Variants in SLC39A11 observed in about 807,000 individuals in gnomAD.
The protein encoded by SLC39A11 is solute carrier family 39 member 11.
SLC39A11 carries 33 observed loss-of-function variants against 36.1 expected under a neutral mutation model. The observed-to-expected ratio is 0.91, with a 90% CI of 0.69 to 1.22. The LOEUF is 1.22. Among genes scored for constraint, SLC39A11 ranks in the 50% most tolerant of loss-of-function variants. SLC39A11 has a pLI of 0.00. For synonymous variants in SLC39A11, 166 were observed against 170.3 expected, an observed-to-expected ratio of 0.97 and a Z score of 0.20; for missense variants, 432 against 430.3, an observed-to-expected ratio of 1.00 and a Z score of -0.03.
At chr17:72,747,599 G>A (rs1051927576) in intron 6 of SLC39A11, among the ~76,000 whole-genome samples, 5 of 152,148 alleles carry the variant, frequency 3.3e-5, no homozygotes, top group African/African-American at 4.8e-5. Flanking sequence ...CAGGAGAGCC[G>A]ACTCACAGGC....
At chr17:72,996,241 C>G (rs896623990) in intron 4 of SLC39A11, among the ~76,000 whole-genome samples, 1 of 152,182 alleles carries the variant, frequency 6.6e-6, no homozygotes, top group African/African-American at 2.4e-5. Flanking sequence ...CGTCTCTTAC[C>G]GCAGCTGCAC....
chr17:73,018,846 G>A (rs1598876964), intron 4 of SLC39A11, among the ~76,000 whole-genome samples: 1 of 145,248 alleles, frequency 6.9e-6, no homozygotes, highest in African/African-American at 2.5e-5. Context: ...ATCACTGGGA[G>A]AAAAAAAAAA....
intron 5 of SLC39A11, among the ~76,000 whole-genome samples, chr17:72,939,683 C>T (rs749910623): frequency 3.3e-5 from 5 of 152,080 alleles, no homozygotes; most frequent in African/African-American, 1.2e-4. Context: ...AGCCAGGAAA[C>T]GCTGGGGGCC....
intron 5 of SLC39A11, among the ~76,000 whole-genome samples, chr17:72,883,146 G>A (rs1286431556): frequency 6.6e-6 from 1 of 152,154 alleles, no homozygotes; most frequent in Non-Finnish European, 1.5e-5. Flanking sequence ...ACGCAGTCCT[G>A]CATCCTTAAG....
chr17:73,005,198 G>A (rs552364729), intron 4 of SLC39A11, among the ~76,000 whole-genome samples: 3 of 152,152 alleles, frequency 2.0e-5, no homozygotes, highest in East Asian at 1.9e-4. Flanking sequence ...GGCTAGTCTC[G>A]AACTCCTGAC....
intron 5 of SLC39A11, among the ~76,000 whole-genome samples, chr17:72,860,470 T>C (rs1415252677): frequency 6.6e-6 from 1 of 152,222 alleles, no homozygotes; most frequent in Non-Finnish European, 1.5e-5. Context: ...GAGTCTGTCA[T>C]TTCCTCCAGT....
At chr17:72,706,627 AAAG>A (rs1360153556) in intron 7 of SLC39A11, among the ~76,000 whole-genome samples, 1 of 152,228 alleles carries the variant, frequency 6.6e-6, no homozygotes, top group Non-Finnish European at 1.5e-5. Flanking sequence ...TGCCTGTCAG[AAAG>A]AATTTAATAC....
intron 7 of SLC39A11, among the ~76,000 whole-genome samples, chr17:72,691,963 TGCCTAAACAGGGGGATTATAATCCC>T (rs2072047666): frequency 1.3e-5 from 2 of 151,666 alleles, no homozygotes; most frequent in African/African-American, 4.8e-5. Flanking sequence ...TGGGAGCCTG[TGCCTAAACAGGGGGATTATAATCCC>T]TCCCCCACCT....
intron 4 of SLC39A11, among the ~76,000 whole-genome samples, chr17:72,959,325 G>GTATATA (rs1186282631): frequency 2.0e-3 from 128 of 65,474 alleles, no homozygotes; most frequent in South Asian, 4.3e-3. Flanking sequence ...GTGTGTGTGT[G>GTATATA]TATATATATA....
chr17:73,075,842 G>C (rs560665924), intron 3 of SLC39A11, among the ~76,000 whole-genome samples: 5 of 152,230 alleles, frequency 3.3e-5, no homozygotes, highest in African/African-American at 4.8e-5. Flanking sequence ...GACAGAGTGA[G>C]ACTCTATCTC....
chr17:73,076,314 CCTG>C (rs2060318461), intron 3 of SLC39A11, among the ~76,000 whole-genome samples: 1 of 152,126 alleles, frequency 6.6e-6, no homozygotes, highest in South Asian at 2.1e-4. Context: ...CTTCCAGGGC[CCTG>C]CTAATGAGAA....
chr17:72,919,146 A>G (rs1336498083), intron 5 of SLC39A11, among the ~76,000 whole-genome samples: 1 of 152,122 alleles, frequency 6.6e-6, no homozygotes, highest in Non-Finnish European at 1.5e-5. Flanking sequence ...TTGCCTCTCC[A>G]CGTGATTCAT....
chr17:72,731,717 G>A (rs934010925), intron 7 of SLC39A11, among the ~76,000 whole-genome samples: 1 of 124,068 alleles, frequency 8.1e-6, no homozygotes, highest in African/African-American at 3.4e-5. Context: ...TCCTTTTTTT[G>A]TTTGTTTGTT....
At chr17:72,816,767 G>A (rs536692933) in intron 6 of SLC39A11, among the ~76,000 whole-genome samples, 1 of 152,290 alleles carries the variant, frequency 6.6e-6, no homozygotes, top group Admixed American at 6.5e-5. Flanking sequence ...TTTTAGGGGA[G>A]CGTTCAAATA....
chr17:73,015,564 A>C (rs1217743440), intron 4 of SLC39A11, among the ~76,000 whole-genome samples: 4 of 152,252 alleles, frequency 2.6e-5, no homozygotes, highest in South Asian at 2.1e-4. Context: ...GCACTTCTAC[A>C]ACAGGGAGGC....
chr17:73,075,884 A>G (rs527929036), intron 3 of SLC39A11, among the ~76,000 whole-genome samples: 2 of 152,312 alleles, frequency 1.3e-5, no homozygotes, highest in East Asian at 1.9e-4. Context: ...ACCATGTGAT[A>G]CTGAATTTAT....
intron 4 of SLC39A11, among the ~76,000 whole-genome samples, chr17:73,020,476 A>G (rs777600866): frequency 9.2e-5 from 14 of 152,128 alleles, no homozygotes; most frequent in Non-Finnish European, 1.0e-4. Context: ...GTATTTTTTT[A>G]TGGCAGCCCA....
chr17:72,879,063 A>C (rs1039158282), intron 5 of SLC39A11, among the ~76,000 whole-genome samples: 3 of 152,240 alleles, frequency 2.0e-5, no homozygotes, highest in Admixed American at 6.5e-5. Flanking sequence ...AAATGGAAGC[A>C]ATGCATAGGG....
At chr17:72,773,674 CACA>C (rs2076030482) in intron 6 of SLC39A11, among the ~76,000 whole-genome samples, 8 of 148,908 alleles carry the variant, frequency 5.4e-5, no homozygotes, top group Admixed American at 4.6e-4. Context: ...CACACACACA[CACA>C]CCCAGTATAT....
Sources: allele counts gnomAD v4.1 joint callset (sites outside exome capture counted in the v4.1 genomes callset), GRCh38; gene constraint gnomAD v4.1.1; transcripts MANE v1.5; gene names NCBI Gene and HGNC (gene_info 2026-07-23, HGNC 2026-07-21).